CABP1: variants seen among roughly 807,000 people sequenced by gnomAD.
CABP1 encodes the protein calcium-binding protein 1.
A neutral mutation model predicts 34.3 loss-of-function variants in CABP1; 17 were observed. That is an observed-to-expected ratio of 0.50 (90% CI 0.34 to 0.74). CABP1 has a LOEUF of 0.74. Ranked by LOEUF, CABP1 falls within the 30% of genes least tolerant of loss-of-function variation. CABP1 has a pLI of 0.01. For synonymous variants in CABP1, 198 were observed against 229.2 expected (o/e 0.86, Z 1.23); for missense variants, 373 against 511.1 (o/e 0.73, Z 2.61).
intron 5 of CABP1, 30 bp from the exon 6 acceptor site, chr12:120,666,845 T>C: frequency 6.3e-7 from 1 of 1,596,824 alleles, no homozygotes; most frequent in Non-Finnish European, 8.5e-7. Context: ...GGCTGCTGCT[T>C]GCTCCCCAGC....
intron 1 of CABP1, among the ~76,000 whole-genome samples, chr12:120,652,347 A>G (rs1418127028): frequency 6.7e-6 from 1 of 148,372 alleles, no homozygotes; most frequent in Non-Finnish European, 1.5e-5. Context: ...TGTTTCTATC[A>G]TAGTATTAAT....
chr12:120,677,373 C>T, the CABP1 span, among the ~76,000 whole-genome samples: 1 of 147,900 alleles, frequency 6.8e-6, no homozygotes, highest in African/African-American at 2.5e-5. Context: ...CAGGCATGAG[C>T]CACTATGCCC....
downstream of CABP1, among the ~76,000 whole-genome samples, chr12:120,672,164 C>A (rs896937551): frequency 1.6e-4 from 24 of 152,092 alleles, no homozygotes; most frequent in African/African-American, 5.6e-4. Flanking sequence ...GGGATCAAAT[C>A]TGAATCTGAT....
intron 1 of CABP1, among the ~76,000 whole-genome samples, chr12:120,647,560 CTTTTTTTT>C (rs10557275): frequency 5.3e-5 from 4 of 75,664 alleles, no homozygotes; most frequent in Middle Eastern, 0.012. Context: ...CAGTCCAAGC[CTTTTTTTT>C]TTTTTTTTTT....
rs545139623 is a variant in CABP1 at position 120,647,602 on chromosome 12, C to G, written c.654+6263C>G. Among the ~76,000 whole-genome samples the G allele has an allele frequency of 1.2e-3, 162 of 134,326 alleles. 1 individual carries two copies. The highest frequency in any genetic ancestry group is 2.1e-3 in the Non-Finnish European group (137 of 65,276). The allele number at this position is 134,326 out of a possible 152,430, so 88.1% of individuals were successfully genotyped here. The stretch of plus-strand genomic sequence containing the variant: ...TTTTTTTTTGAGATGAAGTCTCACT[C>G]TGTCGCTCAGCCTGGAGTGCAATGA... On this transcript the variant is annotated intron_variant, in intron 1 of 5. Transcript: ENST00000316803.
intron 5 of CABP1, among the ~76,000 whole-genome samples, chr12:120,664,320 G>T (rs1880834163): frequency 6.6e-6 from 1 of 152,188 alleles, no homozygotes; most frequent in Non-Finnish European, 1.5e-5. Flanking sequence ...TTGCAGGGAG[G>T]GATTAGGGAA....
chr12:120,656,555 C>T (rs757012837), intron 1 of CABP1, among the ~76,000 whole-genome samples: 1 of 152,210 alleles, frequency 6.6e-6, no homozygotes, highest in Admixed American at 6.5e-5. Context: ...AGCCTCAGAG[C>T]AGCTCTAAGA....
chr12:120,670,122 C>G (rs1881200849), downstream of CABP1, among the ~76,000 whole-genome samples: 1 of 152,060 alleles, frequency 6.6e-6, no homozygotes, highest in Non-Finnish European at 1.5e-5. Flanking sequence ...CCTGCCTCAG[C>G]CTCCTGCATA....
intron 1 of CABP1, among the ~76,000 whole-genome samples, chr12:120,651,572 T>G (rs1341048839): frequency 6.6e-6 from 1 of 152,182 alleles, no homozygotes; most frequent in Admixed American, 6.5e-5. Flanking sequence ...TCTTCCATTT[T>G]CCAGACAAGG....
the CABP1 span, among the ~76,000 whole-genome samples, chr12:120,673,800 G>A: frequency 2.0e-5 from 3 of 152,144 alleles, no homozygotes; most frequent in African/African-American, 7.2e-5. Flanking sequence ...CTGACCAGGG[G>A]GATGATGTGA....
the CABP1 span, among the ~76,000 whole-genome samples, chr12:120,678,981 G>T: frequency 2.0e-5 from 3 of 147,140 alleles, no homozygotes; most frequent in East Asian, 6.0e-4. Context: ...GCTGAGACAG[G>T]AGAATCACTT....
intron 1 of CABP1, among the ~76,000 whole-genome samples, chr12:120,657,170 G>A (rs1880283869): frequency 6.6e-6 from 1 of 152,160 alleles, no homozygotes; most frequent in African/African-American, 2.4e-5. Context: ...CTGAATTATG[G>A]ATTTTATGTT....
At chr12:120,659,623 C>A in intron 1 of CABP1, 2 of 452,734 alleles carry the variant, frequency 4.4e-6, no homozygotes, top group Admixed American at 4.0e-5. Flanking sequence ...GGGCTGGAGG[C>A]ACAGAGGTTC....
the CABP1 span, among the ~76,000 whole-genome samples, chr12:120,675,393 G>A: frequency 0.02 from 3,121 of 152,276 alleles, 209 homozygotes; most frequent in East Asian, 0.26. Flanking sequence ...TACCCTGTGG[G>A]GTGGATGTGA....
intron 1 of CABP1, chr12:120,650,460 A>G: frequency 6.9e-7 from 1 of 1,451,388 alleles, no homozygotes; most frequent in Non-Finnish European, 9.0e-7. Context: ...GGAGAGCAGG[A>G]GCAGGCAGAC....
Position 120,660,161 on chromosome 12 carries a change from C to T in CABP1, c.686-35C>T. On this transcript the variant is annotated intron_variant, in intron 2 of 5. Coordinates refer to ENST00000316803, the MANE Select transcript of CABP1 (RefSeq NM_001033677.2). The surrounding 1 kb of genome is among the most constrained non-coding windows in gnomAD (Gnocchi z 5.0). ...GCCCACAGAGGCTCTGCGGGTCCTACCCCTGACCACATCCACCTTTGCTCA... is the reference window on the plus strand; with the variant it reads ...GCCCACAGAGGCTCTGCGGGTCCTATCCCTGACCACATCCACCTTTGCTCA... The T allele has an allele frequency of 6.2e-7, 1 of 1,612,558 alleles. No individual in the cohort carries two copies.
At chr12:120,671,529 G>A (rs919820125), downstream of CABP1, among the ~76,000 whole-genome samples, 2 of 152,192 alleles carry the variant, frequency 1.3e-5, no homozygotes, top group Non-Finnish European at 2.9e-5. Flanking sequence ...GAGAGGTGAC[G>A]CTCAACAGGG....
chr12:120,651,647 C>T (rs73222785), intron 1 of CABP1, among the ~76,000 whole-genome samples: 4 of 152,268 alleles, frequency 2.6e-5, no homozygotes, highest in Non-Finnish European at 4.4e-5. Flanking sequence ...GAGCTATTGG[C>T]GTCTGTATCC....
chr12:120,656,367 C>G (rs1880219459), intron 1 of CABP1: 1 of 1,218,644 alleles, frequency 8.2e-7, no homozygotes, highest in Admixed American at 3.0e-5. Flanking sequence ...GAGCTCACAC[C>G]CCCAACTTAT....
Sources: allele counts gnomAD v4.1 joint callset (sites outside exome capture counted in the v4.1 genomes callset), GRCh38; gene constraint gnomAD v4.1.1; non-coding constraint Gnocchi (gnomAD v3.1); transcripts MANE v1.5; gene names NCBI Gene and HGNC (gene_info 2026-07-23, HGNC 2026-07-21).